RAB11FIP4: variants seen among roughly 807,000 people sequenced by gnomAD.
The protein encoded by RAB11FIP4 is rab11 family-interacting protein 4.
In RAB11FIP4, 23 loss-of-function variants were observed where a neutral mutation model predicts 74.3. That is an observed-to-expected ratio of 0.31 (90% CI 0.22 to 0.44). RAB11FIP4 has a LOEUF of 0.44. Among genes scored for constraint, RAB11FIP4 ranks in the 20% least tolerant of loss-of-function variants. The pLI is 1.00. For missense variants in RAB11FIP4, 630 were observed against 863.9 expected, an observed-to-expected ratio of 0.73 and a Z score of 3.39; for synonymous variants, 360 against 359.9, an observed-to-expected ratio of 1.00 and a Z score of 0.00.
chr17:31,432,279 T>C (rs957446516), intron 2 of RAB11FIP4, among the ~76,000 whole-genome samples: 16 of 151,926 alleles, frequency 1.1e-4, no homozygotes, highest in Non-Finnish European at 2.4e-4. Flanking sequence ...TGGGCAAACC[T>C]GGACAAAGCG....
chr17:31,457,824 G>T (rs573510832), intron 3 of RAB11FIP4, among the ~76,000 whole-genome samples: 1 of 151,830 alleles, frequency 6.6e-6, no homozygotes, highest in African/African-American at 2.4e-5. Context: ...CTCCCTCTCC[G>T]TCCCTGACTA....
chr17:31,446,650 C>A (rs2071467264), intron 3 of RAB11FIP4, among the ~76,000 whole-genome samples: 1 of 151,862 alleles, frequency 6.6e-6, no homozygotes, highest in Non-Finnish European at 1.5e-5. Context: ...AGAAAAGACC[C>A]CCCCCACGTC....
chr17:31,495,715 G>A (rs534789406), intron 3 of RAB11FIP4, among the ~76,000 whole-genome samples: 2 of 152,300 alleles, frequency 1.3e-5, no homozygotes, highest in East Asian at 3.9e-4. Flanking sequence ...TGAAATGAGG[G>A]TTCTTGTTGA....
In RAB11FIP4 at chr17:31,525,157, G is replaced by A. The variant is rs1195561329; in HGVS notation, c.1201G>A (p.Ala401Thr). The A allele has an allele frequency of 4.5e-6, 7 of 1,549,384 alleles. No homozygotes were observed. In the Admixed American group the frequency reaches 1.2e-4, roughly 26 times the overall value. Residue 401 changes from alanine to threonine, a missense_variant, in exon 10 of 15, where the codon GCG becomes ACG. Transcript: ENST00000621161. ...TTAEQALEEE[A>T]RRHREAYGKL... ...GGCCGAGCAGGCTCTGGAGGAGGAG[G>A]CGCGGCGCCACCGCGAGGCCTACGG...
intron 3 of RAB11FIP4, among the ~76,000 whole-genome samples, chr17:31,489,022 C>T (rs964350568): frequency 3.9e-5 from 6 of 152,366 alleles, no homozygotes; most frequent in African/African-American, 1.4e-4. Context: ...TTCCCTCACC[C>T]TGCTCTCCCA....
At chr17:31,453,375 A>AC (rs2071544936) in intron 3 of RAB11FIP4, among the ~76,000 whole-genome samples, 1 of 134,596 alleles carries the variant, frequency 7.4e-6, no homozygotes, top group African/African-American at 3.0e-5. Context: ...AAAAAAAAAA[A>AC]AAAAACAAAC....
intron 3 of RAB11FIP4, among the ~76,000 whole-genome samples, chr17:31,504,040 A>G (rs2072270215): frequency 6.7e-6 from 1 of 149,620 alleles, no homozygotes; most frequent in South Asian, 2.1e-4. Flanking sequence ...CCTTTTATCC[A>G]AAAGACAGGC....
chr17:31,476,715 T>C (rs1185266775), intron 3 of RAB11FIP4, among the ~76,000 whole-genome samples: 1 of 152,216 alleles, frequency 6.6e-6, no homozygotes, highest in Non-Finnish European at 1.5e-5. Flanking sequence ...CCCACTGCAC[T>C]GGCCTCTCCA....
At chr17:31,528,023 A>G in intron 11 of RAB11FIP4, 100 bp downstream of exon 11, 4 of 896,462 alleles carry the variant, frequency 4.5e-6, no homozygotes, top group Non-Finnish European at 6.8e-6. Context: ...CCCCTAAGAA[A>G]TGCAAAAAAA....
In RAB11FIP4 at chr17:31,534,687, T is replaced by A. The variant is rs1323602547; in HGVS notation, c.*2955T>A. 1 of 152,340 alleles carries A rather than the reference T, an allele frequency of 6.6e-6. No individual in the cohort carries two copies. The highest frequency in any genetic ancestry group is 2.4e-5 in the African/African-American group (1 of 41,464). The allele number at this position is 152,340 out of a possible 1,614,324, so 9.4% of individuals were successfully genotyped here. On this transcript the variant is annotated 3_prime_UTR_variant, in exon 15 of 15. Coordinates refer to ENST00000621161, the MANE Select transcript of RAB11FIP4 (RefSeq NM_032932.6). The stretch of plus-strand genomic sequence containing the variant: ...ATTTTTTAAAGAGCTGCTCAGGTAA[T>A]TCCAATTTAATTGCGTGTCCTACTT...
At chr17:31,520,438 T>C (rs940162825) in intron 4 of RAB11FIP4, among the ~76,000 whole-genome samples, 1 of 152,208 alleles carries the variant, frequency 6.6e-6, no homozygotes, top group Non-Finnish European at 1.5e-5. Flanking sequence ...GCAAGTTTAT[T>C]AAGGAAATAA....
chr17:31,400,199 A>G, intron 1 of RAB11FIP4, among the ~76,000 whole-genome samples: 1 of 152,222 alleles, frequency 6.6e-6, no homozygotes. Context: ...AACAACTGTC[A>G]GGTGCGGGTA....
chr17:31,404,838 C>T (rs1021534717), intron 1 of RAB11FIP4, among the ~76,000 whole-genome samples: 2 of 152,086 alleles, frequency 1.3e-5, no homozygotes, highest in Non-Finnish European at 2.9e-5. Context: ...ATGAGAAAGC[C>T]TTTCTGGAGT....
rs768660320 is a variant in RAB11FIP4, at chr17:31,523,547, A to G, written c.965A>G (p.Asn322Ser). ...LMHSSNFSSS[N>S]GSTEDLFRDS... Reference sequence around the variant, plus strand: ...CACAGCAGCAACTTCAGCAGCAGCAATGGCAGCACCGAAGACCTGTTCCGG... The same window carrying G: ...CACAGCAGCAACTTCAGCAGCAGCAGTGGCAGCACCGAAGACCTGTTCCGG... Residue 322 changes from asparagine to serine, a missense_variant, in exon 8 of 15, where the codon AAT (asparagine) becomes AGT (serine). Transcript: ENST00000621161. 6.2e-7 allele frequency: 1 copy of G among 1,614,114 alleles called. No individual in the cohort carries two copies. Among genetic ancestry groups the G allele is most frequent in the South Asian group, 1.1e-5 (1 of 91,084 alleles).
intron 3 of RAB11FIP4, among the ~76,000 whole-genome samples, chr17:31,457,004 A>G (rs558148322): frequency 6.6e-6 from 1 of 152,056 alleles, no homozygotes; most frequent in Non-Finnish European, 1.5e-5. Context: ...TGGTGCGGGG[A>G]GGTAGGTTGA....
At chr17:31,443,596 C>A (rs1173599562) in intron 3 of RAB11FIP4, among the ~76,000 whole-genome samples, 1 of 149,068 alleles carries the variant, frequency 6.7e-6, no homozygotes, top group African/African-American at 2.5e-5. Flanking sequence ...TGCTTACGCA[C>A]GCAGTCCCCT....
chr17:31,445,604 G>T (rs1365178715), intron 3 of RAB11FIP4, among the ~76,000 whole-genome samples: 3 of 45,580 alleles, frequency 6.6e-5, no homozygotes, highest in African/African-American at 2.5e-4. Context: ...TTTTTTTTTT[G>T]ACACGGAGTC....
intron 3 of RAB11FIP4, among the ~76,000 whole-genome samples, chr17:31,467,124 T>TTTTCC: frequency 6.6e-6 from 1 of 152,094 alleles, no homozygotes; most frequent in South Asian, 2.1e-4. Context: ...TTTTCTTTTC[T>TTTTCC]TTTTTTGAGA....
intron 1 of RAB11FIP4, among the ~76,000 whole-genome samples, chr17:31,399,036 TA>T (rs2070959102): frequency 6.6e-6 from 1 of 152,118 alleles, no homozygotes; most frequent in Non-Finnish European, 1.5e-5. Context: ...CCGGCAGGAA[TA>T]GGGGTGTTCA....
Sources: allele counts gnomAD v4.1 joint callset (sites outside exome capture counted in the v4.1 genomes callset), GRCh38; gene constraint gnomAD v4.1.1; transcripts MANE v1.5; gene names NCBI Gene and HGNC (gene_info 2026-07-23, HGNC 2026-07-21).